Variants in PTPRQ observed in about 807,000 individuals in gnomAD.
PTPRQ encodes the protein protein tyrosine phosphatase receptor type Q, also known as phosphatidylinositol phosphatase PTPRQ.
In PTPRQ, 199 loss-of-function variants were observed where a neutral mutation model predicts 246.0. The observed-to-expected ratio is 0.81, with a 90% CI of 0.72 to 0.91. PTPRQ has a LOEUF of 0.91. Among genes scored for constraint, PTPRQ ranks in the 40% least tolerant of loss-of-function variants. PTPRQ has a pLI of 0.00. For synonymous variants in PTPRQ, 869 were observed against 853.2 expected, an observed-to-expected ratio of 1.02 and a Z score of -0.32; for missense variants, 2,624 against 2,528.4, an observed-to-expected ratio of 1.04 and a Z score of -0.81.
At chr12:80,534,407 G>A (rs534760622) in intron 18 of PTPRQ, among the ~76,000 whole-genome samples, 170 of 152,032 alleles carry the variant, frequency 1.1e-3, no homozygotes, top group Non-Finnish European at 1.7e-3. Context: ...CTACTTCACA[G>A]GGTTCTTATG....
chr12:80,603,642 C>A (rs1460385688), intron 26 of PTPRQ, among the ~76,000 whole-genome samples: 1 of 151,444 alleles, frequency 6.6e-6, no homozygotes, highest in Non-Finnish European at 1.5e-5. Context: ...CCAAGATAAG[C>A]AATTCTACAG....
At chr12:80,610,271 G>C (rs1054704693) in intron 27 of PTPRQ, among the ~76,000 whole-genome samples, 168 bp from the exon 28 acceptor site, 13 of 150,364 alleles carry the variant, frequency 8.6e-5, no homozygotes, top group Non-Finnish European at 1.8e-4. Context: ...TTAATAATTA[G>C]TAAGCTGTTA....
intron 39 of PTPRQ, among the ~76,000 whole-genome samples, chr12:80,659,612 T>C (rs983552601): frequency 1.3e-5 from 2 of 151,936 alleles, no homozygotes; most frequent in African/African-American, 4.8e-5. Flanking sequence ...ACCACACAGA[T>C]TATGTAAGCA....
chr12:80,591,119 G>GTT (rs1897785046), intron 26 of PTPRQ, among the ~76,000 whole-genome samples: 1 of 115,784 alleles, frequency 8.6e-6, no homozygotes, highest in Non-Finnish European at 1.8e-5. Flanking sequence ...CTTGATCATT[G>GTT]CTTTTTTTTT....
At chr12:80,653,348 A>T (rs1900316344) in intron 38 of PTPRQ, among the ~76,000 whole-genome samples, 1 of 152,218 alleles carries the variant, frequency 6.6e-6, no homozygotes, top group Admixed American at 6.5e-5. Flanking sequence ...TTTTTCAATC[A>T]ATAAGAAAAT....
At chr12:80,568,533 A>C (rs1897045843) in intron 25 of PTPRQ, among the ~76,000 whole-genome samples, 1 of 152,210 alleles carries the variant, frequency 6.6e-6, no homozygotes, top group Non-Finnish European at 1.5e-5. Flanking sequence ...ATTTGTCTTC[A>C]GTAAGTTGTC....
chr12:80,505,780 C>CA (rs1482863355), intron 14 of PTPRQ, among the ~76,000 whole-genome samples: 22 of 151,948 alleles, frequency 1.4e-4, no homozygotes, highest in African/African-American at 3.6e-4. Context: ...TTTTAGTAAA[C>CA]GTATCATCTT....
chr12:80,666,178 A>C (rs976316835), intron 39 of PTPRQ, among the ~76,000 whole-genome samples: 1 of 152,066 alleles, frequency 6.6e-6, no homozygotes, highest in Non-Finnish European at 1.5e-5. Flanking sequence ...GTATTCATCA[A>C]CAGATGAATG....
chr12:80,539,871 G>A lies in PTPRQ; in HGVS notation c.3081G>A (p.Trp1027Ter), dbSNP rs1896099505. The A allele has an allele frequency of 1.9e-6, 3 of 1,549,072 alleles. No individual in the cohort carries two copies. In the African/African-American group the frequency reaches 4.1e-5, roughly 21 times the overall value. The change falls in exon 20 of 45, where the codon TGG (tryptophan) becomes TGA (stop). Residue 1027 changes from tryptophan (W) to a stop codon, truncating the protein, a stop_gained. Transcript: ENST00000644991. LOFTEE classifies it high-confidence loss of function. The part of the protein sequence containing the change: ...KLTIFSYYTF[W>*]LTASTSVGNG... ...CAATATTCAGCTACTATACATTTTG[G>A]TTAACAGCAAGTACTTCAGTTGGAA...
intron 17 of PTPRQ, among the ~76,000 whole-genome samples, chr12:80,514,596 A>G (rs1317884907): frequency 4.6e-5 from 6 of 129,778 alleles, no homozygotes; most frequent in Non-Finnish European, 8.0e-5. Context: ...TATAATATAT[A>G]TAATATATTT....
chr12:80,472,879 G>A (rs1319195885), intron 8 of PTPRQ, among the ~76,000 whole-genome samples: 5 of 152,100 alleles, frequency 3.3e-5, no homozygotes, highest in Admixed American at 6.6e-5. Flanking sequence ...CTTGCTAAAT[G>A]TCTTAATTTC....
intron 14 of PTPRQ, among the ~76,000 whole-genome samples, chr12:80,505,501 G>T (rs1894927971): frequency 6.6e-6 from 1 of 151,820 alleles, no homozygotes; most frequent in Non-Finnish European, 1.5e-5. Context: ...GTATAAAAAT[G>T]TTGTTAGATA....
At chr12:80,636,983 G>A (rs1401816676) in intron 35 of PTPRQ, among the ~76,000 whole-genome samples, 1 of 152,076 alleles carries the variant, frequency 6.6e-6, no homozygotes, top group East Asian at 1.9e-4. Context: ...GAAAAGGTCG[G>A]GTGTGGTGAC....
At chr12:80,658,503 T>C (rs143507594) in intron 39 of PTPRQ, among the ~76,000 whole-genome samples, 6 of 152,126 alleles carry the variant, frequency 3.9e-5, no homozygotes, top group Non-Finnish European at 5.9e-5. Flanking sequence ...CATAGGTACA[T>C]TGAAACCTTA....
chr12:80,444,837 A>G lies in PTPRQ; in HGVS notation c.151A>G (p.Thr51Ala), dbSNP rs1475431260. ...CTCACCTGTTACTAGAATAGTGACA[A>G]CAAATGTAACAAGTGAGTATATGTT... ...YTSPVTRIVT[T>A]NVTKPGPPVF... Residue 51 changes from threonine (T) to alanine (A), a missense_variant, in exon 2 of 45, where the codon ACA becomes GCA. By Grantham distance (58) the Thr-to-Ala change is moderately conservative. Coordinates refer to ENST00000644991, the MANE Select transcript of PTPRQ (RefSeq NM_001145026.2). 2.0e-6 allele frequency: 3 copies of G among 1,520,476 alleles called. No homozygotes were observed. The highest frequency in any genetic ancestry group is 2.7e-6 in the Non-Finnish European group (3 of 1,125,800). 94.2% of individuals were successfully genotyped at this position (1,520,476 alleles called of 1,614,324 possible).
In PTPRQ at chr12:80,622,099, C is replaced by A. The variant is rs1899016108; in HGVS notation, c.5651C>A (p.Thr1884Asn). 6.9e-7 allele frequency: 1 copy of A among 1,447,656 alleles called. No homozygotes were observed. The highest frequency in any genetic ancestry group is 9.1e-7 in the Non-Finnish European group (1 of 1,096,814). The allele number at this position is 1,447,656 out of a possible 1,614,324, so 89.7% of individuals were successfully genotyped here. ...GCTACAAATATTATGGGACAATTTA[C>A]TGACTCTGATTATTCTGACCCTGTT... ...FRATNIMGQF[T>N]DSDYSDPVKT... is the part of the protein sequence containing the mutation. Residue 1884 changes from threonine (T) to asparagine (N), a missense_variant, in exon 33 of 45, where the codon ACT becomes AAT. By Grantham distance (65) the Thr-to-Asn change is moderately conservative. Transcript: ENST00000644991.
chr12:80,624,992 T>C (rs558488237), intron 33 of PTPRQ, among the ~76,000 whole-genome samples: 1 of 152,264 alleles, frequency 6.6e-6, no homozygotes, highest in African/African-American at 2.4e-5. Context: ...ATGCAGCCCA[T>C]GAGCTGCGAG....
intron 25 of PTPRQ, among the ~76,000 whole-genome samples, chr12:80,566,062 G>T (rs1896969089): frequency 6.6e-6 from 1 of 152,112 alleles, no homozygotes; most frequent in African/African-American, 2.4e-5. Context: ...TTGCTTCTAT[G>T]TCTAGATACC....
chr12:80,569,166 G>A (rs931884788), intron 25 of PTPRQ, among the ~76,000 whole-genome samples: 66 of 113,474 alleles, frequency 5.8e-4, no homozygotes, highest in African/African-American at 2.2e-3. Context: ...TAAAAAATTT[G>A]TGTTCTCATT....
Sources: allele counts gnomAD v4.1 joint callset (sites outside exome capture counted in the v4.1 genomes callset), GRCh38; gene constraint gnomAD v4.1.1; transcripts MANE v1.5; gene names NCBI Gene and HGNC (gene_info 2026-07-23, HGNC 2026-07-21).